The following FRMD4A variants were observed in gnomAD, a reference collection of about 807,000 sequenced individuals.
FRMD4A encodes the protein FERM domain containing 4A.
FRMD4A carries 29 observed loss-of-function variants against 129.1 expected under a neutral mutation model. That is an observed-to-expected ratio of 0.22 (90% CI 0.17 to 0.31). The LOEUF is 0.31. FRMD4A is among the 10% of genes least tolerant of loss of function. FRMD4A has a pLI of 1.00. For missense variants in FRMD4A, 1,272 were observed against 1,375.8 expected (o/e 0.92, Z 1.19); for synonymous variants, 634 against 571.6 (o/e 1.11, Z -1.56).
At chr10:13,901,617 A>G (rs2094820590) in intron 2 of FRMD4A, among the ~76,000 whole-genome samples, 1 of 152,160 alleles carries the variant, frequency 6.6e-6, no homozygotes, top group Admixed American at 6.5e-5. Context: ...TCAAAAAAAA[A>G]AAAAAAAAGA....
At position 14,225,443 on chromosome 10, in the gene FRMD4A, G is replaced by T. The variant is rs184739389; in HGVS notation, c.45+104615C>A. Among the ~76,000 whole-genome samples, 166 of 152,282 alleles carry T rather than the reference G, an allele frequency of 1.1e-3. 2 individuals are homozygous for T. The highest frequency in any genetic ancestry group is 3.7e-3 in the African/African-American group (155 of 41,554). ...GATCGAAGAGATTAATATTCCCAAG[G>T]GAAACCGTGCCTTCATTTGCATGAA... On this transcript the variant is annotated intron_variant, in intron 2 of 24. Transcript: ENST00000357447.
chr10:14,293,620 G>GA (rs368317603), intron 2 of FRMD4A, among the ~76,000 whole-genome samples: 95 of 146,992 alleles, frequency 6.5e-4, no homozygotes, highest in South Asian at 8.6e-4. Flanking sequence ...TGAAGATAGA[G>GA]AAAAAAAAAA....
At chr10:13,877,062 A>T (rs955816731) in intron 2 of FRMD4A, among the ~76,000 whole-genome samples, 8 of 152,104 alleles carry the variant, frequency 5.3e-5, no homozygotes, top group Non-Finnish European at 8.8e-5. Flanking sequence ...AGAGTTGGGG[A>T]ATGGGCTCTC....
intron 12 of FRMD4A, among the ~76,000 whole-genome samples, chr10:13,709,206 TG>T (rs985187360): frequency 6.6e-6 from 1 of 152,204 alleles, no homozygotes; most frequent in African/African-American, 2.4e-5. Context: ...TCAAGTGATC[TG>T]CCCGCCTCGG....
intron 12 of FRMD4A, among the ~76,000 whole-genome samples, chr10:13,713,928 TAATA>T (rs1009522491): frequency 7.4e-6 from 1 of 135,522 alleles, no homozygotes; most frequent in African/African-American, 2.8e-5. Flanking sequence ...TATACATATA[TAATA>T]TATACATATA....
chr10:14,241,272 A>T (rs532637069), intron 2 of FRMD4A, among the ~76,000 whole-genome samples: 1 of 152,344 alleles, frequency 6.6e-6, no homozygotes, highest in African/African-American at 2.4e-5. Flanking sequence ...ATCAGTCCTC[A>T]TTCAGAGAAA....
At chr10:13,758,371 T>G (rs1483719976) in intron 8 of FRMD4A, among the ~76,000 whole-genome samples, 2 of 152,304 alleles carry the variant, frequency 1.3e-5, no homozygotes, top group East Asian at 3.9e-4. Flanking sequence ...TAGGGTTCTG[T>G]GTGTTCTAAG....
At chr10:14,026,931 A>C (rs1833010624) in intron 2 of FRMD4A, among the ~76,000 whole-genome samples, 1 of 152,010 alleles carries the variant, frequency 6.6e-6, no homozygotes, top group Non-Finnish European at 1.5e-5. Flanking sequence ...TCAACATCAA[A>C]TTTTCTTTCT....
chr10:14,190,377 TG>T, intron 2 of FRMD4A, among the ~76,000 whole-genome samples: 2 of 152,194 alleles, frequency 1.3e-5, no homozygotes, highest in Non-Finnish European at 2.9e-5. Flanking sequence ...GTTTGTTTTT[TG>T]TTCATTTTTT....
At chr10:13,864,725 G>A (rs894270355) in intron 2 of FRMD4A, among the ~76,000 whole-genome samples, 5 of 151,530 alleles carry the variant, frequency 3.3e-5, no homozygotes, top group Non-Finnish European at 5.9e-5. Context: ...ATAGGCACCC[G>A]CCACCATGCC....
chr10:14,238,876 T>C (rs529295463), intron 2 of FRMD4A, among the ~76,000 whole-genome samples: 1 of 152,350 alleles, frequency 6.6e-6, no homozygotes, highest in South Asian at 2.1e-4. Flanking sequence ...TTCTTTTTTA[T>C]GGCTGCATAG....
intron 2 of FRMD4A, among the ~76,000 whole-genome samples, chr10:13,978,174 C>G (rs973829746): frequency 6.6e-6 from 1 of 152,152 alleles, no homozygotes; most frequent in African/African-American, 2.4e-5. Context: ...TTACAGCCAT[C>G]CTAGTGTTAA....
chr10:13,679,426 CAAAAAAAAAAAAAAA>C (rs1184269199), intron 15 of FRMD4A, among the ~76,000 whole-genome samples: 2 of 8,600 alleles, frequency 2.3e-4, no homozygotes, highest in African/African-American at 8.4e-4. Flanking sequence ...GACTCTGTCT[CAAAAAAAAAAAAAAA>C]AAAAAAAAAA....
intron 2 of FRMD4A, among the ~76,000 whole-genome samples, chr10:14,284,875 T>C (rs1235153726): frequency 6.6e-6 from 1 of 152,176 alleles, no homozygotes; most frequent in Admixed American, 6.5e-5. Context: ...CAAATGCTTC[T>C]TCCTCTGGGA....
intron 2 of FRMD4A, among the ~76,000 whole-genome samples, chr10:13,878,822 G>GGAAGGAAGGAA (rs1554953628): frequency 1.4e-5 from 2 of 140,870 alleles, no homozygotes; most frequent in African/African-American, 2.7e-5. Context: ...GAGGGAGGGA[G>GGAAGGAAGGAA]GGAAGGAAGG....
chr10:14,069,776 A>C (rs1835229358), intron 2 of FRMD4A, among the ~76,000 whole-genome samples: 1 of 152,126 alleles, frequency 6.6e-6, no homozygotes, highest in African/African-American at 2.4e-5. Flanking sequence ...CCTTAGCAAA[A>C]TCTAAAAGTT....
chr10:14,176,701 C>T (rs762263330), intron 2 of FRMD4A, among the ~76,000 whole-genome samples: 29 of 152,084 alleles, frequency 1.9e-4, no homozygotes, highest in Non-Finnish European at 3.4e-4. Flanking sequence ...TCTCAATCTC[C>T]TGACCTCACG....
intron 12 of FRMD4A, among the ~76,000 whole-genome samples, chr10:13,723,002 G>A (rs1425891505): frequency 6.6e-6 from 1 of 152,130 alleles, no homozygotes; most frequent in African/African-American, 2.4e-5. Context: ...ATGCTGGTTA[G>A]CTAGGTCACC....
Position 14,101,691 on chromosome 10 carries a change from C to T in FRMD4A, c.45+228367G>A, listed in dbSNP as rs566976525. 7.9e-5 allele frequency among the ~76,000 whole-genome samples: 12 copies of T among 152,242 alleles called. No individual in the cohort carries two copies. In the South Asian group the frequency reaches 1.5e-3, roughly 18 times the overall value. ...GGTCTTTATGGTCACCATCTCCATG[C>T]TGGTGAGCTTCTACCTTCAAATATG... On this transcript the variant is annotated intron_variant, in intron 2 of 24. Transcript: ENST00000357447.
Sources: gnomAD v4.1 joint callset for allele counts (sites outside exome capture counted in the v4.1 genomes callset) on GRCh38, gnomAD v4.1.1 for gene constraint, MANE v1.5 for transcripts, NCBI Gene and HGNC (gene_info 2026-07-23, HGNC 2026-07-21) for gene names.